RRM2: variants seen among roughly 807,000 people sequenced by gnomAD.
RRM2 encodes the protein ribonucleotide reductase regulatory subunit M2.
Under a neutral mutation model 45.9 loss-of-function variants are expected in RRM2, and 6 were observed. The observed-to-expected ratio is 0.13, with a 90% confidence interval of 0.07 to 0.26. RRM2 has a LOEUF of 0.26. RRM2 is among the 10% of genes least tolerant of loss of function. The pLI is 1.00. For missense variants in RRM2, 343 were observed against 489.5 expected (o/e 0.70, Z 2.82); for synonymous variants, 177 against 173.0 (o/e 1.02, Z -0.18).
At chr2:10,168,037 T>G (rs1181835739) in intron 3 of RRM2, among the ~76,000 whole-genome samples, 9 of 36,644 alleles carry the variant, frequency 2.5e-4, no homozygotes, top group East Asian at 1.5e-3. Flanking sequence ...GGCTTTTCTG[T>G]TTTTTTTTTT....
intron 3 of RRM2, among the ~76,000 whole-genome samples, chr2:10,174,898 A>G (rs1228902436): frequency 2.0e-5 from 3 of 151,934 alleles, no homozygotes; most frequent in Middle Eastern, 3.2e-3. Flanking sequence ...AAATGTTGAT[A>G]GCTACTATAA....
At chr2:10,122,700 C>A (rs759527225), upstream of RRM2, 33 of 1,550,792 alleles carry the variant, frequency 2.1e-5, no homozygotes, top group Middle Eastern at 6.7e-4. Context: ...GAGCGCGCGG[C>A]GCGGGAGATT....
chr2:10,182,069 T>C (rs1230916858), intron 3 of RRM2, among the ~76,000 whole-genome samples: 1 of 152,150 alleles, frequency 6.6e-6, no homozygotes, highest in Non-Finnish European at 1.5e-5. Flanking sequence ...CCTGGCTCTT[T>C]TTATGATACT....
At chr2:10,126,539 T>C (rs1266418728) in intron 5 of RRM2, 3 of 240,530 alleles carry the variant, frequency 1.2e-5, no homozygotes, top group East Asian at 8.7e-5. Context: ...ATTCTTCAAA[T>C]TGAACAATGA....
upstream of RRM2, chr2:10,122,709 T>C (rs1002774954): frequency 6.4e-7 from 1 of 1,550,736 alleles, no homozygotes; most frequent in Non-Finnish European, 8.7e-7. Flanking sequence ...GCGCGGGAGA[T>C]TTAAAGGCTG....
intron 3 of RRM2, among the ~76,000 whole-genome samples, chr2:10,146,484 C>T (rs182393105): frequency 1.3e-5 from 2 of 152,358 alleles, no homozygotes; most frequent in African/African-American, 4.8e-5. Context: ...TGTGTCTCCC[C>T]TCTGTCCCCA....
Position 10,209,390 on chromosome 2 carries a change from G to A in RRM2, n.483-921G>A, listed in dbSNP as rs545439680. ...TAGTTTCTATAGTACAAAGCCGGGG[G>A]TGCTGCTCCCCTGCCCCACACACCT... On this transcript the variant is annotated intron_variant and non_coding_transcript_variant, in intron 3 of 3. Coordinates refer to the RRM2 transcript ENST00000381786. Among the ~76,000 whole-genome samples the A allele has an allele frequency of 5.3e-5, 8 of 152,172 alleles. No homozygotes were observed. In the South Asian group the frequency reaches 1.0e-3, roughly 20 times the overall value.
At chr2:10,209,425 C>T (rs1664719605) in intron 3 of RRM2, among the ~76,000 whole-genome samples, 1 of 152,170 alleles carries the variant, frequency 6.6e-6, no homozygotes, top group South Asian at 2.1e-4. Flanking sequence ...TCAGCACCTC[C>T]ATGTTGCTTC....
At chr2:10,148,086 A>G (rs10192090) in intron 3 of RRM2, among the ~76,000 whole-genome samples, 94,089 of 148,386 alleles carry the variant, frequency 0.63, 30,077 homozygotes, top group African/African-American at 0.7. Flanking sequence ...GGAGGTTGCC[A>G]TGAGCCAGGA....
intron 3 of RRM2, among the ~76,000 whole-genome samples, chr2:10,156,472 G>T (rs962958754): frequency 6.6e-6 from 1 of 152,292 alleles, no homozygotes; most frequent in African/African-American, 2.4e-5. Flanking sequence ...CTCTCTGGGG[G>T]TCCAGCTGTG....
At chr2:10,168,272 C>G (rs1001660639) in intron 3 of RRM2, among the ~76,000 whole-genome samples, 2 of 152,110 alleles carry the variant, frequency 1.3e-5, no homozygotes, top group Non-Finnish European at 2.9e-5. Flanking sequence ...CCCCCCACCC[C>G]TGACACCCCC....
intron 3 of RRM2, among the ~76,000 whole-genome samples, chr2:10,170,194 A>G (rs1663770307): frequency 6.6e-6 from 1 of 151,844 alleles, no homozygotes; most frequent in African/African-American, 2.4e-5. Context: ...TTCCAGGATG[A>G]CCCATTCCCA....
Position 10,174,333 on chromosome 2 carries a change from TG to T in RRM2, n.482+31960del, listed in dbSNP as rs550099240. On this transcript the variant is annotated intron_variant and non_coding_transcript_variant, in intron 3 of 3. Coordinates refer to the RRM2 transcript ENST00000381786. ...AAGCAGAATTTGAGGAGCTCCTCAGTGGCAGGCTGCCCTGGCCCTGCTGTCA... is the reference window on the plus strand; with the variant it reads ...AAGCAGAATTTGAGGAGCTCCTCAGTGCAGGCTGCCCTGGCCCTGCTGTCA... 3.9e-3 allele frequency among the ~76,000 whole-genome samples: 601 copies of T among 152,262 alleles called. 2 individuals carry two copies. Among genetic ancestry groups the T allele is most frequent in the African/African-American group, 0.014 (564 of 41,568 alleles).
chr2:10,208,372 G>T (rs1054786510), intron 3 of RRM2, among the ~76,000 whole-genome samples: 2 of 152,152 alleles, frequency 1.3e-5, no homozygotes, highest in Admixed American at 1.3e-4. Flanking sequence ...GCTCTGTGTT[G>T]CTGGGACTGC....
At chr2:10,146,672 T>C (rs926755374) in intron 3 of RRM2, among the ~76,000 whole-genome samples, 2 of 152,054 alleles carry the variant, frequency 1.3e-5, no homozygotes, top group Non-Finnish European at 2.9e-5. Flanking sequence ...AGAGCTGAGA[T>C]GGGGTGGGGA....
intron 3 of RRM2, among the ~76,000 whole-genome samples, chr2:10,146,398 C>G (rs1290494565): frequency 2.0e-5 from 3 of 152,240 alleles, no homozygotes; most frequent in Non-Finnish European, 2.9e-5. Context: ...ATTTTTAAAG[C>G]TCCCTGGTAA....
In RRM2 at chr2:10,204,323, C is replaced by T. The variant is rs994623487; in HGVS notation, n.483-5988C>T. 1.3e-5 allele frequency among the ~76,000 whole-genome samples: 2 copies of T among 152,158 alleles called. No individual in the cohort carries two copies. The highest frequency in any genetic ancestry group is 6.5e-5 in the Admixed American group (1 of 15,288). On this transcript the variant is annotated intron_variant and non_coding_transcript_variant, in intron 3 of 3. Transcript: ENST00000381786. The surrounding 1 kb of genome is among the most constrained non-coding windows in gnomAD (Gnocchi z 4.0). Reference sequence around the variant, plus strand: ...CCTTCTTGGAGGAGGTGATGCTGGGCGAGTGTTAAAGGATACCTAGGCATC... The same window carrying T: ...CCTTCTTGGAGGAGGTGATGCTGGGTGAGTGTTAAAGGATACCTAGGCATC...
At chr2:10,157,793 T>C (rs1663465105) in intron 3 of RRM2, among the ~76,000 whole-genome samples, 1 of 152,200 alleles carries the variant, frequency 6.6e-6, no homozygotes, top group Admixed American at 6.5e-5. Flanking sequence ...AACTAATGGC[T>C]CAGTTTTGCT....
chr2:10,202,741 T>G (rs1227585280), intron 3 of RRM2, among the ~76,000 whole-genome samples: 2 of 152,152 alleles, frequency 1.3e-5, no homozygotes, highest in Non-Finnish European at 2.9e-5. Flanking sequence ...CTGCTGTTTT[T>G]GGGGTGGATT....
Sources: gnomAD v4.1 joint callset for allele counts (sites outside exome capture counted in the v4.1 genomes callset) on GRCh38, gnomAD v4.1.1 for gene constraint, Gnocchi (gnomAD v3.1) non-coding constraint, MANE v1.5 for transcripts, NCBI Gene and HGNC (gene_info 2026-07-23, HGNC 2026-07-21) for gene names.